ARHGEF28: variants seen among roughly 807,000 people sequenced by gnomAD.
ARHGEF28 encodes the protein Rho guanine nucleotide exchange factor 28, also known as 190 kDa guanine nucleotide exchange factor.
ARHGEF28 carries 152 observed loss-of-function variants against 206.6 expected under a neutral mutation model. The observed-to-expected ratio is 0.74, with a 90% CI of 0.64 to 0.84. The LOEUF (loss-of-function observed/expected upper bound fraction) is 0.84. Ranked by LOEUF, ARHGEF28 falls within the 40% of genes least tolerant of loss-of-function variation. The pLI is 0.00. For synonymous variants in ARHGEF28, 763 were observed against 776.4 expected, an observed-to-expected ratio of 0.98 and a Z score of 0.29; for missense variants, 2,028 against 2,073.2, an observed-to-expected ratio of 0.98 and a Z score of 0.42.
chr5:73,635,910 G>T (rs1391615882), intron 1 of ARHGEF28, among the ~76,000 whole-genome samples: 2 of 152,160 alleles, frequency 1.3e-5, no homozygotes, highest in Non-Finnish European at 2.9e-5. Flanking sequence ...TTTTTAAGGG[G>T]GAGTGAAATA....
chr5:73,790,534 T>C (rs756729748), intron 7 of ARHGEF28, among the ~76,000 whole-genome samples: 2 of 152,132 alleles, frequency 1.3e-5, no homozygotes, highest in Non-Finnish European at 2.9e-5. Context: ...CCAGTGGAGC[T>C]TGTTGAATTG....
chr5:73,843,075 T>C lies in ARHGEF28; in HGVS notation c.1427+2315T>C, dbSNP rs570715360. Among the ~76,000 whole-genome samples the C allele has an allele frequency of 1.3e-5, 2 of 152,008 alleles. 1 individual carries two copies. The highest frequency in any genetic ancestry group is 4.8e-5 in the African/African-American group (2 of 41,478). ...GTTCTTTAGAAGTCTTCTAGGAATA[T>C]AGCATGGAAAAGACACAAAATAGTC... On this transcript the variant is annotated intron_variant, in intron 11 of 35. Coordinates refer to ENST00000513042, the MANE Select transcript of ARHGEF28 (RefSeq NM_001177693.2).
At chr5:73,825,902 G>A (rs1756878976) in intron 9 of ARHGEF28, among the ~76,000 whole-genome samples, 2 of 152,292 alleles carry the variant, frequency 1.3e-5, no homozygotes, top group Non-Finnish European at 2.9e-5. Context: ...ACTCAGGGGA[G>A]TGGTCTGGAC....
intron 1 of ARHGEF28, among the ~76,000 whole-genome samples, chr5:73,653,774 TACA>T (rs977687577): frequency 2.6e-5 from 4 of 152,244 alleles, no homozygotes; most frequent in African/African-American, 9.6e-5. Context: ...GGGCTTCCCC[TACA>T]GCTCCTTTCC....
rs1166312391 is a variant in ARHGEF28, at chr5:73,909,605, G to A, written c.4355G>A (p.Arg1452Gln). 1.3e-6 allele frequency: 2 copies of A among 1,553,888 alleles called. No individual in the cohort carries two copies. The highest frequency in any genetic ancestry group is 2.7e-5 in the African/African-American group (2 of 73,216). ...CAGCACCAGCTCCAGCAGGAGCAGC[G>A]GCGCTGGCTGCGCAGGTGTGAGCAG... ...QLQHQLQQEQ[R>Q]RWLRRCEQQQ... Residue 1452 changes from arginine (R) to glutamine (Q), a missense_variant, in exon 34 of 36, where the codon CGG (arginine) becomes CAG (glutamine). Physicochemically the swap from Arg to Gln is conservative, Grantham distance 43 (BLOSUM62 1). Coordinates refer to ENST00000513042, the MANE Select transcript of ARHGEF28 (RefSeq NM_001177693.2).
chr5:73,838,275 C>G (rs1311867850), intron 10 of ARHGEF28, among the ~76,000 whole-genome samples: 1 of 151,832 alleles, frequency 6.6e-6, no homozygotes, highest in Non-Finnish European at 1.5e-5. Flanking sequence ...TTTTATAGCC[C>G]CTATATCTAT....
At chr5:73,898,159 TA>T (rs1762069312) in intron 30 of ARHGEF28, 66 bp downstream of exon 30, 15 of 1,560,734 alleles carry the variant, frequency 9.6e-6, no homozygotes, top group Non-Finnish European at 1.3e-5. Flanking sequence ...AGTGGTCACG[TA>T]AAGTAAAGGC....
chr5:73,790,458 G>C (rs1478266500), intron 7 of ARHGEF28, among the ~76,000 whole-genome samples: 3 of 152,118 alleles, frequency 2.0e-5, no homozygotes, highest in African/African-American at 7.2e-5. Flanking sequence ...GCACATTTTG[G>C]AGTTGCTTGA....
chr5:73,880,277 G>A (rs1053587482), intron 22 of ARHGEF28, among the ~76,000 whole-genome samples: 8 of 152,182 alleles, frequency 5.3e-5, no homozygotes, highest in South Asian at 2.1e-4. Context: ...TAAGCCCGTC[G>A]GAAAAGCGCA....
At chr5:73,923,573 G>T (rs1763641063) in intron 35 of ARHGEF28, among the ~76,000 whole-genome samples, 1 of 152,136 alleles carries the variant, frequency 6.6e-6, no homozygotes, top group African/African-American at 2.4e-5. Flanking sequence ...TAGGTAAGAT[G>T]AATATATTTG....
intron 2 of ARHGEF28, among the ~76,000 whole-genome samples, chr5:73,720,922 A>G (rs1749899803): frequency 6.6e-6 from 1 of 152,250 alleles, no homozygotes; most frequent in African/African-American, 2.4e-5. Context: ...TGAAAGATCC[A>G]TGCCTGTTCA....
chr5:73,815,818 G>A (rs1756168437), intron 9 of ARHGEF28, among the ~76,000 whole-genome samples: 1 of 152,210 alleles, frequency 6.6e-6, no homozygotes, highest in Admixed American at 6.5e-5. Flanking sequence ...TGACTCAAGT[G>A]AAAGCAGGTA....
intron 2 of ARHGEF28, among the ~76,000 whole-genome samples, chr5:73,700,391 T>C (rs907340601): frequency 3.3e-5 from 5 of 152,190 alleles, no homozygotes; most frequent in Non-Finnish European, 2.9e-5. Context: ...GAGCCCAAAC[T>C]GTATAATCTG....
chr5:73,819,986 G>A (rs531801278), intron 9 of ARHGEF28, among the ~76,000 whole-genome samples: 1 of 152,274 alleles, frequency 6.6e-6, no homozygotes, highest in Admixed American at 6.5e-5. Flanking sequence ...CTGTATCACA[G>A]CTGTTATTAA....
chr5:73,640,452 G>T (rs1744002658), intron 1 of ARHGEF28, among the ~76,000 whole-genome samples: 1 of 152,186 alleles, frequency 6.6e-6, no homozygotes, highest in South Asian at 2.1e-4. Flanking sequence ...GTTTAAGCTA[G>T]TGGAGGGCAA....
intron 3 of ARHGEF28, 75 bp downstream of exon 3, chr5:73,750,059 A>G (rs1012608027): frequency 3.9e-6 from 6 of 1,547,770 alleles, no homozygotes; most frequent in Non-Finnish European, 8.7e-7. Flanking sequence ...TAGGCCAGGA[A>G]GAGAGCCAGG....
At chr5:73,839,609 G>A (rs755235967) in intron 10 of ARHGEF28, among the ~76,000 whole-genome samples, 3 of 152,114 alleles carry the variant, frequency 2.0e-5, no homozygotes, top group Non-Finnish European at 4.4e-5. Flanking sequence ...TTTCTGGGGA[G>A]GATTTTTAAG....
intron 25 of ARHGEF28, 80 bp downstream of exon 25, chr5:73,886,184 C>G: frequency 6.7e-7 from 1 of 1,502,928 alleles, no homozygotes; most frequent in South Asian, 1.4e-5. Flanking sequence ...AAAAGAAAAA[C>G]AGTTCAGAAT....
At chr5:73,845,862 C>T (rs1758305400) in intron 11 of ARHGEF28, among the ~76,000 whole-genome samples, 1 of 151,528 alleles carries the variant, frequency 6.6e-6, no homozygotes, top group African/African-American at 2.4e-5. Flanking sequence ...GTGGCGCACG[C>T]CTGTAGTCCC....
Sources: allele counts gnomAD v4.1 joint callset (sites outside exome capture counted in the v4.1 genomes callset), GRCh38; gene constraint gnomAD v4.1.1; transcripts MANE v1.5; gene names NCBI Gene and HGNC (gene_info 2026-07-23, HGNC 2026-07-21).